Variants in RAB12 observed in about 807,000 individuals in gnomAD.
RAB12 encodes the protein ras-related protein Rab-12.
A neutral mutation model predicts 28.4 loss-of-function variants in RAB12; 11 were observed. That is an observed-to-expected ratio of 0.39 (90% CI 0.24 to 0.64). The LOEUF is 0.64. RAB12 is among the 30% of genes least tolerant of loss of function. RAB12 has a pLI of 0.50. For missense variants in RAB12, 276 were observed against 351.1 expected (o/e 0.79, Z 1.71); for synonymous variants, 138 against 145.3 (o/e 0.95, Z 0.36).
At position 8,639,253 on chromosome 18, in the gene RAB12, T is replaced by A. The variant is rs1012617539; in HGVS notation, c.*991T>A. The A allele has an allele frequency of 6.7e-6, 1 of 149,886 alleles. No individual in the cohort carries two copies. The highest frequency in any genetic ancestry group is 1.5e-5 in the Non-Finnish European group (1 of 67,620). 9.3% of individuals were successfully genotyped at this position (149,886 alleles called of 1,614,324 possible). ...ATATCTTTTATTAAACTGCACTGTT[T>A]TGTTTAGTCAAGGTAATTAAGTAAT... On this transcript the variant is annotated 3_prime_UTR_variant, in exon 6 of 6. Coordinates refer to ENST00000649141, the MANE Select transcript of RAB12 (RefSeq NM_001025300.3).
At chr18:8,636,189 C>T (rs2096018792) in intron 4 of RAB12, 64 bp from the exon 5 acceptor site, 3 of 1,067,884 alleles carry the variant, frequency 2.8e-6, no homozygotes, top group South Asian at 2.6e-5. Flanking sequence ...GCCCAGAGAC[C>T]TCATGCTCGC....
intron 1 of RAB12, among the ~76,000 whole-genome samples, chr18:8,612,390 A>G (rs541063555): frequency 3.9e-5 from 6 of 152,328 alleles, no homozygotes; most frequent in African/African-American, 1.4e-4. Flanking sequence ...TTACCATTTG[A>G]GCAGTTAGCT....
intron 1 of RAB12, among the ~76,000 whole-genome samples, chr18:8,624,050 C>T (rs192594717): frequency 6.6e-6 from 1 of 152,398 alleles, no homozygotes; most frequent in East Asian, 1.9e-4. Context: ...CACCATACCA[C>T]TCACAAACAT....
In RAB12 at chr18:8,609,761, G is replaced by C; in HGVS notation, c.322G>C (p.Gly108Arg). ...GGGCGCCGCGCTGCAGAGGCGGGCC[G>C]GGGGCGGCGGCGGTCTGGGCGCGGG... The part of the protein sequence containing the change: ...DPGAALQRRA[G>R]GGGGLGAGSP... The change falls in exon 1 of 6, where the codon GGG (glycine) becomes CGG (arginine). Residue 108 changes from glycine (G) to arginine (R), a missense_variant. Gly to Arg is a moderately radical substitution (Grantham distance 125). Around this residue, in one of 4 missense-constraint regions of RAB12, gnomAD observed 72 missense variants for 55.5 expected, o/e 1.30. Transcript: ENST00000649141. 6.4e-6 allele frequency: 8 copies of C among 1,258,074 alleles called. No homozygotes were observed. Among genetic ancestry groups the C allele is most frequent in the Non-Finnish European group, 8.0e-6 (8 of 1,001,718 alleles). 77.9% of individuals were successfully genotyped at this position (1,258,074 alleles called of 1,614,324 possible).
chr18:8,620,328 A>T (rs1302476367), intron 1 of RAB12, among the ~76,000 whole-genome samples: 5 of 152,060 alleles, frequency 3.3e-5, no homozygotes, highest in Non-Finnish European at 7.4e-5. Flanking sequence ...CACCAGACTA[A>T]TTCACCTGGT....
rs79588213 is a variant in RAB12 at position 8,615,348 on chromosome 18, C to T, written c.514+5395C>T. On this transcript the variant is annotated intron_variant, in intron 1 of 5. Transcript: ENST00000649141. Reference sequence around the variant, plus strand: ...AGGGCAGAGATTTTTGTTAGAAAACCCAGAATGAGCATCTCATACTGGACT... The same window carrying T: ...AGGGCAGAGATTTTTGTTAGAAAACTCAGAATGAGCATCTCATACTGGACT... Among the ~76,000 whole-genome samples the T allele has an allele frequency of 3.5e-3, 531 of 152,182 alleles. 10 individuals are homozygous for T. Among genetic ancestry groups the T allele is most frequent in the East Asian group, 0.031 (159 of 5,184 alleles).
intron 2 of RAB12, 58 bp downstream of exon 2, chr18:8,625,056 T>A (rs1426221500): frequency 5.4e-6 from 6 of 1,109,000 alleles, no homozygotes; most frequent in Non-Finnish European, 8.0e-6. Context: ...GTCCATGTAC[T>A]TGTCTAATAA....
chr18:8,637,425 G>A (rs2096019572), intron 5 of RAB12, among the ~76,000 whole-genome samples: 1 of 152,146 alleles, frequency 6.6e-6, no homozygotes, highest in East Asian at 1.9e-4. Context: ...ATGTTTATGA[G>A]GTTGATCTGT....
chr18:8,615,055 G>A (rs909880788), intron 1 of RAB12, among the ~76,000 whole-genome samples: 1 of 152,216 alleles, frequency 6.6e-6, no homozygotes, highest in Non-Finnish European at 1.5e-5. Flanking sequence ...GTTGACATGG[G>A]GGTGCACTCA....
chr18:8,613,381 G>A (rs1253362997), intron 1 of RAB12, among the ~76,000 whole-genome samples: 2 of 152,154 alleles, frequency 1.3e-5, no homozygotes, highest in African/African-American at 4.8e-5. Context: ...AGCAGTGCCT[G>A]TATCACAAGC....
At chr18:8,616,380 A>T (rs1043333197) in intron 1 of RAB12, among the ~76,000 whole-genome samples, 2 of 97,690 alleles carry the variant, frequency 2.0e-5, no homozygotes, top group Non-Finnish European at 4.3e-5. Context: ...TGTGATTGTT[A>T]AAAAAAAAAA....
At chr18:8,618,676 C>A (rs2096008057) in intron 1 of RAB12, among the ~76,000 whole-genome samples, 2 of 152,126 alleles carry the variant, frequency 1.3e-5, no homozygotes, top group African/African-American at 4.8e-5. Flanking sequence ...CCACACCTGG[C>A]TAATTTTTTG....
chr18:8,628,080 G>A (rs554876994), intron 2 of RAB12, among the ~76,000 whole-genome samples: 9 of 152,224 alleles, frequency 5.9e-5, no homozygotes, highest in Non-Finnish European at 1.2e-4. Context: ...TTGAGCTGAC[G>A]TTCATAACTT....
chr18:8,610,558 AT>A (rs1361979913), intron 1 of RAB12, among the ~76,000 whole-genome samples: 1 of 152,210 alleles, frequency 6.6e-6, no homozygotes, highest in Non-Finnish European at 1.5e-5. Flanking sequence ...CATGGGGTTG[AT>A]TCCTCCAGTA....
At chr18:8,614,063 T>C (rs1476471722) in intron 1 of RAB12, among the ~76,000 whole-genome samples, 2 of 152,326 alleles carry the variant, frequency 1.3e-5, no homozygotes, top group African/African-American at 2.4e-5. Flanking sequence ...TTCTGTCTGT[T>C]CCTTAGCTTA....
intron 2 of RAB12, among the ~76,000 whole-genome samples, chr18:8,626,636 A>C (rs1464966043): frequency 6.6e-6 from 1 of 152,218 alleles, no homozygotes; most frequent in Non-Finnish European, 1.5e-5. Context: ...TGACTCTGAG[A>C]TAAGAGGGCC....
intron 1 of RAB12, among the ~76,000 whole-genome samples, chr18:8,619,506 A>G (rs565960445): frequency 3.3e-5 from 5 of 152,248 alleles, no homozygotes; most frequent in Non-Finnish European, 7.3e-5. Flanking sequence ...AAGAAGGCAG[A>G]GCGCAGAGTC....
chr18:8,636,715 G>T (rs571152399), intron 5 of RAB12, among the ~76,000 whole-genome samples: 1 of 152,332 alleles, frequency 6.6e-6, no homozygotes, highest in African/African-American at 2.4e-5. Context: ...GTCTGCAGGT[G>T]TCTTAGCGGA....
At chr18:8,617,086 A>G (rs1171124408) in intron 1 of RAB12, among the ~76,000 whole-genome samples, 1 of 152,236 alleles carries the variant, frequency 6.6e-6, no homozygotes, top group African/African-American at 2.4e-5. Flanking sequence ...AGCTTACCTC[A>G]GTGTCTTCAC....
Sources: allele counts gnomAD v4.1 joint callset (sites outside exome capture counted in the v4.1 genomes callset), GRCh38; gene constraint gnomAD v4.1.1; regional missense constraint gnomAD v4.1.1; transcripts MANE v1.5; gene names NCBI Gene and HGNC (gene_info 2026-07-23, HGNC 2026-07-21).